C11orf58: variants seen among roughly 807,000 people sequenced by gnomAD.
C11orf58 encodes the protein chromosome 11 open reading frame 58.
In C11orf58, 5 loss-of-function variants were observed where a neutral mutation model predicts 22.7. That is an observed-to-expected ratio of 0.22 (90% confidence interval 0.12 to 0.46). C11orf58 has a LOEUF of 0.46. C11orf58 is among the 20% of genes least tolerant of loss of function. The pLI, the probability that C11orf58 is intolerant of heterozygous loss-of-function variation, is 0.99. For missense variants in C11orf58, 151 were observed against 223.3 expected (o/e 0.68, Z 2.06); for synonymous variants, 71 against 70.7 (o/e 1.00, Z -0.02).
At chr11:16,740,950 A>G (rs925559142) in intron 1 of C11orf58, among the ~76,000 whole-genome samples, 1 of 151,758 alleles carries the variant, frequency 6.6e-6, no homozygotes, top group Admixed American at 6.6e-5. Context: ...AAAAAAATTA[A>G]CCGGGCGTGG....
intron 2 of C11orf58, among the ~76,000 whole-genome samples, chr11:16,744,907 GA>G (rs1339788039): frequency 2.0e-5 from 3 of 152,192 alleles, no homozygotes; most frequent in African/African-American, 7.2e-5. Flanking sequence ...AGACTGTACA[GA>G]GAAAAATTTG....
At chr11:16,750,915 T>C (rs1471354960) in intron 3 of C11orf58, 2 of 152,232 alleles carry the variant, frequency 1.3e-5, no homozygotes, top group Non-Finnish European at 2.9e-5. Flanking sequence ...CTGTGTCATC[T>C]GTAGAGATGC....
At position 16,757,098 on chromosome 11, in the gene C11orf58, T is replaced by C. The variant is rs1848585752; in HGVS notation, c.*1994T>C. ...GATGCTATCCTCTATAGTAAAATAT[T>C]GAATCACTTTATAGTAGACAATACA... On this transcript the variant is annotated 3_prime_UTR_variant, in exon 5 of 5. Coordinates refer to ENST00000228136, the MANE Select transcript of C11orf58 (RefSeq NM_014267.6). 6.7e-6 allele frequency among the ~76,000 whole-genome samples: 1 copy of C among 149,718 alleles called. No homozygotes were observed.
chr11:16,748,388 C>T (rs1848504454), intron 3 of C11orf58: 2 of 363,586 alleles, frequency 5.5e-6, no homozygotes, highest in Admixed American at 8.3e-5. Flanking sequence ...ATGATTGCAC[C>T]ACTGCATTCC....
At chr11:16,745,118 T>G (rs1848477571) in intron 2 of C11orf58, among the ~76,000 whole-genome samples, 1 of 152,202 alleles carries the variant, frequency 6.6e-6, no homozygotes, top group South Asian at 2.1e-4. Context: ...TATCAAAAAC[T>G]TAATTTTAAG....
At chr11:16,752,695 C>T in intron 3 of C11orf58, 90 bp from the exon 4 acceptor site, 1 of 767,188 alleles carries the variant, frequency 1.3e-6, no homozygotes, top group Non-Finnish European at 2.0e-6. Context: ...TTAGATAAAT[C>T]AGCCCTGAGT....
intron 3 of C11orf58, chr11:16,751,269 G>C (rs1848530471): frequency 6.6e-6 from 1 of 152,234 alleles, no homozygotes; most frequent in Admixed American, 6.5e-5. Flanking sequence ...GGGAGGCCAA[G>C]GCAGGCAGAT....
chr11:16,744,083 A>T (rs956350445), intron 1 of C11orf58, among the ~76,000 whole-genome samples: 2 of 151,646 alleles, frequency 1.3e-5, no homozygotes, highest in African/African-American at 4.8e-5. Flanking sequence ...CTGAAAAGTT[A>T]AAATTTTCTC....
At chr11:16,749,656 C>T (rs1848515957) in intron 3 of C11orf58, 1 of 152,220 alleles carries the variant, frequency 6.6e-6, no homozygotes, top group South Asian at 2.1e-4. Flanking sequence ...GGAGCATGAA[C>T]CCTATTGTGA....
chr11:16,750,489 G>C (rs1848524530), intron 3 of C11orf58: 1 of 152,254 alleles, frequency 6.6e-6, no homozygotes, highest in South Asian at 2.1e-4. Context: ...AAGGACATCT[G>C]TTGTGAACTC....
At chr11:16,749,689 G>A (rs893848969) in intron 3 of C11orf58, 3 of 152,290 alleles carry the variant, frequency 2.0e-5, no homozygotes, top group Admixed American at 2.0e-4. Flanking sequence ...AGGGATCTAG[G>A]TTGTGCCTCC....
chr11:16,751,772 G>A (rs1354857223), intron 3 of C11orf58: 1 of 152,164 alleles, frequency 6.6e-6, no homozygotes, highest in Non-Finnish European at 1.5e-5. Flanking sequence ...TTCCAGCCAC[G>A]AAAGAGCCCC....
chr11:16,744,465 C>T, intron 1 of C11orf58, 136 bp from the exon 2 acceptor site: 1 of 658,206 alleles, frequency 1.5e-6, no homozygotes, highest in East Asian at 2.8e-5. Context: ...TGCTTAACTT[C>T]CTAAGCAAGA....
intron 2 of C11orf58, among the ~76,000 whole-genome samples, chr11:16,745,929 ACATT>A (rs1395366351): frequency 6.6e-6 from 1 of 152,234 alleles, no homozygotes; most frequent in East Asian, 1.9e-4. Flanking sequence ...ACATGGGAAT[ACATT>A]CATTCATTTT....
chr11:16,753,102 C>G (rs1590075800), intron 4 of C11orf58, among the ~76,000 whole-genome samples: 1 of 151,126 alleles, frequency 6.6e-6, no homozygotes, highest in East Asian at 1.9e-4. Flanking sequence ...TTGTTTTTTC[C>G]TTTTTTTTTG....
At chr11:16,745,469 T>G (rs1431950095) in intron 2 of C11orf58, among the ~76,000 whole-genome samples, 1 of 152,174 alleles carries the variant, frequency 6.6e-6, no homozygotes, top group Non-Finnish European at 1.5e-5. Context: ...TCCTGTATTC[T>G]TACAATAAAG....
In C11orf58 at chr11:16,748,255, T is replaced by C. The variant is rs1162399452; in HGVS notation, c.208+98T>C. 3.9e-6 allele frequency: 4 copies of C among 1,027,300 alleles called. No homozygotes were observed. The African/African-American group carries it at 4.9e-5, about 12-fold the overall frequency. The allele number at this position is 1,027,300 out of a possible 1,614,324, so 63.6% of individuals were successfully genotyped here. A position where few individuals can be genotyped will look rare whatever the true frequency, so the allele number is the denominator to read the frequency against. On this transcript the variant is annotated intron_variant, in intron 3 of 4. Transcript: ENST00000228136. ...TATTCTACTTTGGCATGTAATTGTG[T>C]AAATTATTAAAATATTATAATTAGA...
At chr11:16,742,445 C>T (rs1194207059) in intron 1 of C11orf58, among the ~76,000 whole-genome samples, 2 of 152,158 alleles carry the variant, frequency 1.3e-5, no homozygotes, top group Non-Finnish European at 2.9e-5. Flanking sequence ...ATTGTCAGAA[C>T]TGAAGCTTCA....
At chr11:16,751,382 A>T (rs372731940) in intron 3 of C11orf58, 4 of 152,118 alleles carry the variant, frequency 2.6e-5, no homozygotes, top group African/African-American at 9.7e-5. Flanking sequence ...CATGCCTATA[A>T]TCCCGGCTAC....
Sources: allele counts gnomAD v4.1 joint callset (sites outside exome capture counted in the v4.1 genomes callset), GRCh38; gene constraint gnomAD v4.1.1; transcripts MANE v1.5; gene names NCBI Gene and HGNC (gene_info 2026-07-23, HGNC 2026-07-21).